The following SEC16A variants were observed in gnomAD, a reference collection of about 807,000 sequenced individuals.
The protein encoded by SEC16A is protein transport protein Sec16A.
SEC16A carries 110 observed loss-of-function variants against 221.9 expected under a neutral mutation model. The ratio of observed to expected loss-of-function variants is 0.50; its 90% CI spans 0.42 to 0.58. SEC16A has a LOEUF of 0.58. Ranked by LOEUF, SEC16A falls within the 20% of genes least tolerant of loss-of-function variation. The pLI, the probability that SEC16A is intolerant of heterozygous loss-of-function variation, is 0.00. For synonymous variants in SEC16A, 1,393 were observed against 1,257.7 expected (o/e 1.11, Z -2.28); for missense variants, 3,165 against 3,097.8 (o/e 1.02, Z -0.52).
In SEC16A at chr9:136,474,501, G is replaced by A. The variant is rs3812594; in HGVS notation, c.3115C>T (p.Arg1039Cys). 393,979 of 1,612,738 alleles carry A rather than the reference G, an allele frequency of 0.24. 51,695 individuals carry two copies. The highest frequency in any genetic ancestry group is 0.27 in the Non-Finnish European group (324,077 of 1,179,726). ...TCTTTCGTGACCTGCTGATAAAAAC[G>A]GTCAAGGTTAGGCGCCCCAGGCCCA... ...QSGPGAPNLD[R>C]FYQQVTKDAQ... Residue 1039 changes from arginine (R) to cysteine (C), a missense_variant, in exon 3 of 32, where the codon CGT becomes TGT. Physicochemically the swap from Arg to Cys is radical, Grantham distance 180 (BLOSUM62 -3). This residue lies in a region of SEC16A where 2,030 missense variants were observed against 1,923.1 expected (regional missense o/e 1.06). Transcript: ENST00000684901.
In SEC16A at chr9:136,440,966, CCT is replaced by C; in HGVS notation, c.*787_*788del. ...GTCAGTTTTCAACCTGGATGACCAC[CCT>C]GAGCCATCATGTCAGACAGCCGGCT... On this transcript the variant is annotated 3_prime_UTR_variant, in exon 32 of 32. Transcript: ENST00000684901. 1 of 152,524 alleles carries C rather than the reference CCT, an allele frequency of 6.6e-6. No homozygotes were observed. Among genetic ancestry groups the C allele is most frequent in the Non-Finnish European group, 1.5e-5 (1 of 68,064 alleles). The allele number at this position is 152,524 out of a possible 1,614,324, so 9.4% of individuals were successfully genotyped here. A position where few individuals can be genotyped will look rare whatever the true frequency, so the allele number is the denominator to read the frequency against.
In SEC16A at chr9:136,463,118, G is replaced by A. The variant is rs756149286; in HGVS notation, c.4662C>T (p.Thr1554=). ...CTCGTAACAGAAGCTCCGCAATGTCGGTCCCTACCACGGTCTGTTTGGGTC... is the reference window on the plus strand; with the variant it reads ...CTCGTAACAGAAGCTCCGCAATGTCAGTCCCTACCACGGTCTGTTTGGGTC... ...LCRQNGTVVG[T]DIAELLLRDH... Residue 1554 remains threonine, a synonymous_variant, in exon 12 of 32, where the codon ACC becomes ACT. Transcript: ENST00000684901. 6 of 1,610,274 alleles carry A rather than the reference G, an allele frequency of 3.7e-6. No homozygotes were observed. Among genetic ancestry groups the A allele is most frequent in the African/African-American group, 1.3e-5 (1 of 74,924 alleles).
In SEC16A at chr9:136,463,691, C is replaced by T. The variant is rs747996203; in HGVS notation, c.4496G>A (p.Gly1499Glu). Residue 1499 changes from glycine to glutamate, a missense_variant, in exon 10 of 32, where the codon GGA becomes GAA. Gly to Glu is a moderately conservative substitution (Grantham distance 98). This residue lies in a region of SEC16A where 47 missense variants were observed against 85.0 expected (regional missense o/e 0.55). Coordinates refer to ENST00000684901, the MANE Select transcript of SEC16A (RefSeq NM_014866.2). ...SEQEEMRAFP[G>E]PLAKDDTHKV... ...ACAAGGAACATACTTGGCCAGGGGT[C>T]CCGGGAACGCCCGCATCTCCTCCTG... 6.2e-7 allele frequency: 1 copy of T among 1,612,850 alleles called. No individual in the cohort carries two copies.
Position 136,477,345 on chromosome 9 carries a change from CG to C in SEC16A, c.270del (p.Gly91ValfsTer24). ...GCATGTGTGTGAGGAACAAGCAAAC[CG>C]GGGTGCTGAGAAAACCCTGCGGGGG... ...GPAPAGFSQH[P>X]GLLVPHTHAR... is the part of the protein sequence containing the mutation. On this transcript the variant is annotated frameshift_variant, in exon 3 of 32. Coordinates refer to ENST00000684901, the MANE Select transcript of SEC16A (RefSeq NM_014866.2). LOFTEE classifies it high-confidence loss of function. 1.2e-6 allele frequency: 2 copies of C among 1,613,922 alleles called. No individual in the cohort carries two copies. The highest frequency in any genetic ancestry group is 1.7e-6 in the Non-Finnish European group (2 of 1,179,880).
At chr9:136,468,047 G>A (rs962872713) in intron 5 of SEC16A, among the ~76,000 whole-genome samples, 9 of 152,254 alleles carry the variant, frequency 5.9e-5, no homozygotes, top group African/African-American at 1.4e-4. Flanking sequence ...TGGTGGGACC[G>A]AGGAGATGGT....
At position 136,440,837 on chromosome 9, in the gene SEC16A, C is replaced by G. The variant is rs1276492431; in HGVS notation, c.*918G>C. ...CATGTGGATTGTACCACGAAAAGTGCTCACGGAAAGTGCAGCCTTTTAGAG... is the reference window on the plus strand; with the variant it reads ...CATGTGGATTGTACCACGAAAAGTGGTCACGGAAAGTGCAGCCTTTTAGAG... On this transcript the variant is annotated 3_prime_UTR_variant, in exon 32 of 32. Transcript: ENST00000684901. The G allele has an allele frequency of 6.6e-6, 1 of 152,390 alleles. No individual in the cohort carries two copies. The highest frequency in any genetic ancestry group is 1.5e-5 in the Non-Finnish European group (1 of 68,040). The allele number at this position is 152,390 out of a possible 1,614,324, so 9.4% of individuals were successfully genotyped here. A position where few individuals can be genotyped will look rare whatever the true frequency, so the allele number is the denominator to read the frequency against.
chr9:136,476,082 T>G lies in SEC16A; in HGVS notation c.1534A>C (p.Thr512Pro), dbSNP rs1172054171. 1.9e-6 allele frequency: 3 copies of G among 1,613,578 alleles called. No homozygotes were observed. Among genetic ancestry groups the G allele is most frequent in the Non-Finnish European group, 2.5e-6 (3 of 1,179,874 alleles). The change falls in exon 3 of 32, where the codon ACA (threonine) becomes CCA (proline). Residue 512 changes from threonine (T) to proline (P), a missense_variant. Physicochemically the swap from Thr to Pro is conservative, Grantham distance 38 (BLOSUM62 -1). This residue lies in a region of SEC16A where 2,030 missense variants were observed against 1,923.1 expected (regional missense o/e 1.06). Transcript: ENST00000684901. ...CTGTCAGGGTGCACTGTATGCAGTG[T>G]GGCATCAGGGGCTCCGGTGTGGCAC... Reference protein sequence around the residue: ...AVCHTGAPDATLHTVHPDSVS... With the variant: ...AVCHTGAPDAPLHTVHPDSVS...
Position 136,466,382 on chromosome 9 carries a change from T to C in SEC16A, c.4010A>G (p.Asp1337Gly). Residue 1337 changes from aspartate (D) to glycine (G), a missense_variant, in exon 7 of 32, where the codon GAC becomes GGC. Asp to Gly is a moderately conservative substitution (Grantham distance 94). Coordinates refer to ENST00000684901, the MANE Select transcript of SEC16A (RefSeq NM_014866.2). The surrounding 1 kb of genome is among the most constrained non-coding windows in gnomAD (Gnocchi z 5.5). ...SFDDDPDPHRDPYGEEVDRRS... is the reference protein window; with the variant it reads ...SFDDDPDPHRGPYGEEVDRRS... ...CCGGTCCACCTCTTCCCCATAAGGGTCTCTGTGCGGATCGGGGTCATCGTC... is the reference window on the plus strand; with the variant it reads ...CCGGTCCACCTCTTCCCCATAAGGGCCTCTGTGCGGATCGGGGTCATCGTC... The C allele has an allele frequency of 6.2e-7, 1 of 1,601,040 alleles. No homozygotes were observed.
chr9:136,451,474 G>T, intron 22 of SEC16A, 66 bp from the exon 23 acceptor site: 2 of 1,481,068 alleles, frequency 1.4e-6, no homozygotes, highest in Admixed American at 2.3e-5. Context: ...GAGAGAGGGG[G>T]ATGCAATTCC....
In SEC16A at chr9:136,475,788, A is replaced by T; in HGVS notation, c.1828T>A (p.Ser610Thr). 1.3e-6 allele frequency: 2 copies of T among 1,591,684 alleles called. No individual in the cohort carries two copies. The highest frequency in any genetic ancestry group is 1.7e-6 in the Non-Finnish European group (2 of 1,168,774). Residue 610 changes from serine to threonine, a missense_variant, in exon 3 of 32, where the codon TCT (serine) becomes ACT (threonine). By Grantham distance (58) the Ser-to-Thr change is moderately conservative (BLOSUM62 1). Around this residue, in one of 3 missense-constraint regions of SEC16A, gnomAD observed 2,030 missense variants for 1,923.1 expected, o/e 1.06. Transcript: ENST00000684901. The surrounding 1 kb of genome is among the most constrained non-coding windows in gnomAD (Gnocchi z 5.0). Reference protein sequence around the residue: ...TGIFQTSANSSFEPVKSHLVG... With the variant: ...TGIFQTSANSTFEPVKSHLVG... ...AAGTGAGATTTTACCGGTTCGAAAG[A>T]ACTATTTGCACTTGTCTGAAATATT...
In SEC16A at chr9:136,466,302, C is replaced by A; in HGVS notation, c.4090G>T (p.Ala1364Ser). Residue 1364 changes from alanine to serine, a missense_variant, in exon 7 of 32, where the codon GCC becomes TCC. Coordinates refer to ENST00000684901, the MANE Select transcript of SEC16A (RefSeq NM_014866.2). This position sits in a 1 kb window ranked among gnomAD's most constrained non-coding sequence, Gnocchi z 5.5. ...ARSLHSAHSL[A>S]SRRSSLSSHS... ...GAGCTGAGGCTGCTGCGGCGGCTGG[C>A]CAGGCTGTGTGCGCTGTGCAGGCTC... The A allele has an allele frequency of 1.9e-6, 3 of 1,569,946 alleles. No individual in the cohort carries two copies. Among genetic ancestry groups the A allele is most frequent in the Non-Finnish European group, 2.6e-6 (3 of 1,158,168 alleles).
chr9:136,442,066 G>A (rs1836263944), intron 31 of SEC16A, among the ~76,000 whole-genome samples: 1 of 152,204 alleles, frequency 6.6e-6, no homozygotes, highest in East Asian at 1.9e-4. Context: ...TGGCCAGGAG[G>A]TGCCGTGGTT....
rs762785333 is a variant in SEC16A at position 136,477,247 on chromosome 9, C to T, written c.369G>A (p.Pro123=). 26 of 1,613,834 alleles carry T rather than the reference C, an allele frequency of 1.6e-5. No homozygotes were observed. Among genetic ancestry groups the T allele is most frequent in the East Asian group, 4.5e-5 (2 of 44,904 alleles). The change falls in exon 3 of 32, where the codon CCG becomes CCA. Residue 123 remains proline (P), a synonymous_variant. Transcript: ENST00000684901. ...CTGAAGGTGTCAATGCACCAGAAAA[C>T]GGACTGGCATGTGCTCTGGGCTGTG... is the stretch of plus-strand genomic sequence containing the variant. ...PLTQPRAHAS[P]FSGALTPSAP...
chr9:136,463,358 A>T (rs1289071191), intron 11 of SEC16A, 105 bp downstream of exon 11: 9 of 1,452,572 alleles, frequency 6.2e-6, no homozygotes, highest in Non-Finnish European at 8.5e-6. Context: ...AGGCTCCCAT[A>T]GCTGGCCACG....
rs199822604 is a variant in SEC16A, at chr9:136,474,128, C to T, written c.3488G>A (p.Arg1163Gln). 65 of 1,613,258 alleles carry T rather than the reference C, an allele frequency of 4.0e-5. No homozygotes were observed. The highest frequency in any genetic ancestry group is 1.8e-4 in the Middle Eastern group (1 of 5,604). ...AGGCTGGTAGGCATCGTACAAAGGC[C>T]GGTAGTAGTAGTAGGCGGCCAGGTC... ...PQDLAAYYYY[R>Q]PLYDAYQPQY... is the part of the protein sequence containing the mutation. Residue 1163 changes from arginine to glutamine, a missense_variant, in exon 3 of 32, where the codon CGG becomes CAG. Arg to Gln is a conservative substitution (Grantham distance 43). Around this residue, in one of 3 missense-constraint regions of SEC16A, gnomAD observed 2,030 missense variants for 1,923.1 expected, o/e 1.06. Coordinates refer to ENST00000684901, the MANE Select transcript of SEC16A (RefSeq NM_014866.2).
chr9:136,444,428 C>G (rs1357230381), intron 30 of SEC16A, among the ~76,000 whole-genome samples: 2 of 152,210 alleles, frequency 1.3e-5, no homozygotes, highest in Non-Finnish European at 2.9e-5. Context: ...ATCTTCCTTC[C>G]AAAGGAGAGC....
At chr9:136,454,005 T>TA (rs2132085218) in intron 21 of SEC16A, 104 bp downstream of exon 21, 1 of 1,074,746 alleles carries the variant, frequency 9.3e-7, no homozygotes. Context: ...ACAAGTAATG[T>TA]AAGTTGTTTC....
chr9:136,458,998 T>C, intron 17 of SEC16A, 136 bp downstream of exon 17: 1 of 558,096 alleles, frequency 1.8e-6, no homozygotes, highest in Non-Finnish European at 3.2e-6. Context: ...AGATCAAATG[T>C]CTTCTCAAGA....
intron 12 of SEC16A, 131 bp downstream of exon 12, chr9:136,462,756 C>T: frequency 2.0e-6 from 2 of 1,011,894 alleles, no homozygotes; most frequent in Non-Finnish European, 2.8e-6. Flanking sequence ...AACAGCAAGA[C>T]CCGAAGCCCC....
Sources: allele counts gnomAD v4.1 joint callset (sites outside exome capture counted in the v4.1 genomes callset), GRCh38; gene constraint gnomAD v4.1.1; regional missense constraint gnomAD v4.1.1; non-coding constraint Gnocchi (gnomAD v3.1); transcripts MANE v1.5; gene names NCBI Gene and HGNC (gene_info 2026-07-23, HGNC 2026-07-21).